The following RMND1 variants were observed in gnomAD, a reference collection of about 807,000 sequenced individuals.
The protein encoded by RMND1 is required for meiotic nuclear division protein 1 homolog.
A neutral mutation model predicts 54.0 loss-of-function variants in RMND1; 41 were observed. The ratio of observed to expected loss-of-function variants is 0.76; its 90% CI spans 0.59 to 0.98. The LOEUF is 0.98. Among genes scored for constraint, RMND1 ranks in the 50% least tolerant of loss-of-function variants. RMND1 has a pLI of 0.00. For synonymous variants in RMND1, 183 were observed against 181.7 expected (o/e 1.01, Z -0.06); for missense variants, 457 against 532.0 (o/e 0.86, Z 1.39).
intron 1 of RMND1, among the ~76,000 whole-genome samples, chr6:151,450,927 T>C (rs570262717): frequency 6.6e-6 from 1 of 152,172 alleles, no homozygotes; most frequent in Non-Finnish European, 1.5e-5. Flanking sequence ...CTCTGAAACA[T>C]GTGCTGTGTC....
chr6:151,418,444 TTTTTTG>T (rs921581020), intron 9 of RMND1: 1 of 151,978 alleles, frequency 6.6e-6, no homozygotes, highest in Non-Finnish European at 1.5e-5. Context: ...ATGTCCACAC[TTTTTTG>T]TTTTTTATTT....
At chr6:151,407,049 A>G (rs7769780) in intron 10 of RMND1, among the ~76,000 whole-genome samples, 57,357 of 151,718 alleles carry the variant, frequency 0.38, 13,273 homozygotes, top group East Asian at 0.69. Context: ...GCTACTTGGC[A>G]GGGATGAGGT....
intron 10 of RMND1, among the ~76,000 whole-genome samples, chr6:151,412,152 C>T (rs563967931): frequency 6.6e-6 from 1 of 152,256 alleles, no homozygotes. Flanking sequence ...CAGGCGTCCA[C>T]CACCATGCCC....
intron 1 of RMND1, chr6:151,446,099 C>T (rs1780945410): frequency 9.4e-6 from 3 of 319,838 alleles, no homozygotes; most frequent in African/African-American, 2.1e-5. Flanking sequence ...GGGACCACTT[C>T]ATTTACTTCA....
At chr6:151,450,502 G>A (rs551876939) in intron 1 of RMND1, among the ~76,000 whole-genome samples, 8 of 141,188 alleles carry the variant, frequency 5.7e-5, no homozygotes, top group East Asian at 2.3e-4. Flanking sequence ...CCCCCCGCCC[G>A]GCCAGCCGCC....
chr6:151,447,681 G>A (rs1780995962), intron 1 of RMND1, among the ~76,000 whole-genome samples: 1 of 152,064 alleles, frequency 6.6e-6, no homozygotes, highest in African/African-American at 2.4e-5. Flanking sequence ...TAGTCCAATT[G>A]GCTACTGTAG....
intron 3 of RMND1, among the ~76,000 whole-genome samples, chr6:151,435,352 G>A (rs1258018520): frequency 6.6e-6 from 1 of 151,820 alleles, no homozygotes; most frequent in Non-Finnish European, 1.5e-5. Context: ...CACCATGTTG[G>A]CCAGGCTGGT....
In RMND1 at chr6:151,430,120, A is replaced by G. The variant is rs755741104; in HGVS notation, c.729+18T>C. ...CAAAACTAAATTTTTATATTTTCAC[A>G]TTTTTATTTACACTTACAGTTTTGT... On this transcript the variant is annotated intron_variant, in intron 5 of 11. Transcript: ENST00000444024. 6.5e-7 allele frequency: 1 copy of G among 1,546,166 alleles called. No individual in the cohort carries two copies. The highest frequency in any genetic ancestry group is 8.9e-7 in the Non-Finnish European group (1 of 1,123,958).
intron 10 of RMND1, among the ~76,000 whole-genome samples, chr6:151,412,396 A>C (rs1206095743): frequency 2.0e-5 from 3 of 150,960 alleles, no homozygotes; most frequent in Non-Finnish European, 4.4e-5. Flanking sequence ...GCCTCAAGTG[A>C]CCCTCCCATC....
At chr6:151,409,845 G>A (rs560206998) in intron 10 of RMND1, among the ~76,000 whole-genome samples, 3 of 152,236 alleles carry the variant, frequency 2.0e-5, no homozygotes, top group Admixed American at 6.5e-5. Context: ...AAGCCTCAGC[G>A]ACAGGACTTC....
chr6:151,417,469 AT>A, intron 9 of RMND1, 70 bp from the exon 10 acceptor site: 1 of 1,299,860 alleles, frequency 7.7e-7, no homozygotes, highest in Non-Finnish European at 1.1e-6. Flanking sequence ...TGTATTTAAT[AT>A]TTACATAGTG....
chr6:151,421,184 G>A, intron 9 of RMND1, 61 bp downstream of exon 9: 1 of 1,206,106 alleles, frequency 8.3e-7, no homozygotes, highest in South Asian at 1.3e-5. Flanking sequence ...CAGAACTATG[G>A]GAATGTTTTC....
chr6:151,422,370 T>C (rs929766961), intron 8 of RMND1, among the ~76,000 whole-genome samples, 171 bp downstream of exon 8: 6 of 152,228 alleles, frequency 3.9e-5, no homozygotes, highest in Admixed American at 2.0e-4. Flanking sequence ...TGCAAATATA[T>C]ACCATTTTAT....
intron 9 of RMND1, among the ~76,000 whole-genome samples, chr6:151,420,140 T>C (rs956756609): frequency 6.6e-6 from 1 of 152,180 alleles, no homozygotes; most frequent in Non-Finnish European, 1.5e-5. Flanking sequence ...GTCCTAACTA[T>C]TCAGTTTGGA....
rs1051701507 is a variant in RMND1 at position 151,426,067 on chromosome 6, G to A, written c.830+1415C>T. Among the ~76,000 whole-genome samples the A allele has an allele frequency of 3.3e-5, 5 of 150,994 alleles. No homozygotes were observed. In the East Asian group the frequency reaches 7.8e-4, roughly 24 times the overall value. ...CAAGCAATTCTCTGCCTCCGCCTCC[G>A]CCTCCCAAGTAGCTGGGATCACAGA... On this transcript the variant is annotated intron_variant, in intron 6 of 11. Coordinates refer to ENST00000444024, the MANE Select transcript of RMND1 (RefSeq NM_017909.4).
chr6:151,432,328 T>C (rs922901658), intron 4 of RMND1, among the ~76,000 whole-genome samples: 1 of 152,188 alleles, frequency 6.6e-6, no homozygotes, highest in Non-Finnish European at 1.5e-5. Flanking sequence ...ATGCTATTAC[T>C]CTACTTGAAT....
chr6:151,407,307 C>G (rs1194407667), intron 10 of RMND1, among the ~76,000 whole-genome samples: 2 of 152,124 alleles, frequency 1.3e-5, no homozygotes, highest in African/African-American at 4.8e-5. Context: ...TTTCCCCTCC[C>G]TGTTTTCCTT....
chr6:151,448,994 T>C (rs1562802927), intron 1 of RMND1, among the ~76,000 whole-genome samples: 1 of 141,196 alleles, frequency 7.1e-6, no homozygotes, highest in Non-Finnish European at 1.5e-5. Context: ...CGAGAATGGC[T>C]TGAATCTGGG....
At chr6:151,451,108 G>A (rs1183303971) in intron 1 of RMND1, among the ~76,000 whole-genome samples, 3 of 149,728 alleles carry the variant, frequency 2.0e-5, no homozygotes, top group Non-Finnish European at 4.4e-5. Context: ...AGAGACCTTT[G>A]TGCACTTGTT....
Sources: allele counts gnomAD v4.1 joint callset (sites outside exome capture counted in the v4.1 genomes callset), GRCh38; gene constraint gnomAD v4.1.1; transcripts MANE v1.5; gene names NCBI Gene and HGNC (gene_info 2026-07-23, HGNC 2026-07-21).